Variants in FANCL observed in about 807,000 individuals in gnomAD.
FANCL encodes FA complementation group L.
FANCL carries 69 observed loss-of-function variants against 59.4 expected under a neutral mutation model. The observed-to-expected ratio is 1.16, with a 90% CI of 0.96 to 1.42. FANCL has a LOEUF of 1.42. Ranked by LOEUF, FANCL falls within the 40% of genes most tolerant of loss-of-function variation. The pLI is 0.00. For synonymous variants in FANCL, 180 were observed against 147.1 expected (o/e 1.22, Z -1.62); for missense variants, 519 against 447.2 (o/e 1.16, Z -1.45).
chr2:58,220,779 T>C (rs1692399229), intron 5 of FANCL, among the ~76,000 whole-genome samples: 1 of 152,184 alleles, frequency 6.6e-6, no homozygotes, highest in South Asian at 2.1e-4. Flanking sequence ...GTTTAAAACA[T>C]ATTAAGAAAA....
intron 7 of FANCL, among the ~76,000 whole-genome samples, chr2:58,184,158 T>C (rs949395230): frequency 6.6e-6 from 1 of 152,068 alleles, no homozygotes; most frequent in Non-Finnish European, 1.5e-5. Context: ...TTCTTGTTTA[T>C]AAAGAGATTT....
intron 7 of FANCL, among the ~76,000 whole-genome samples, chr2:58,178,264 T>G (rs1022447233): frequency 2.6e-5 from 4 of 152,080 alleles, no homozygotes; most frequent in Non-Finnish European, 1.5e-5. Context: ...CACCAAAATC[T>G]GGAGGAGGCA....
At chr2:58,204,586 C>A (rs1157895853) in intron 5 of FANCL, among the ~76,000 whole-genome samples, 2 of 152,032 alleles carry the variant, frequency 1.3e-5, no homozygotes, top group African/African-American at 4.8e-5. Context: ...ACTCTTTGAT[C>A]CATTTCTGTA....
chr2:58,236,036 C>T (rs889973958), intron 1 of FANCL, among the ~76,000 whole-genome samples: 1 of 128,588 alleles, frequency 7.8e-6, no homozygotes, highest in Non-Finnish European at 1.7e-5. Context: ...ACACAGAGGA[C>T]AGAAAAGGAG....
chr2:58,202,038 C>G (rs1037702080), intron 6 of FANCL, among the ~76,000 whole-genome samples: 6 of 151,584 alleles, frequency 4.0e-5, no homozygotes, highest in African/African-American at 1.5e-4. Flanking sequence ...TCTTAACATA[C>G]AGTTAACGTT....
rs921041191 is a variant in FANCL, at chr2:58,165,656, G to T, written c.691+68C>A. On this transcript the variant is annotated intron_variant, in intron 8 of 13. Transcript: ENST00000233741. ...AAGAAGTCTGAGTCCAACTGTCATTGTTAGATTTATTTTCATAATACAAAA... is the reference window on the plus strand; with the variant it reads ...AAGAAGTCTGAGTCCAACTGTCATTTTTAGATTTATTTTCATAATACAAAA... 33 of 1,581,854 alleles carry T rather than the reference G, an allele frequency of 2.1e-5. No individual in the cohort carries two copies. The African/African-American group carries it at 3.8e-4, about 18-fold the overall frequency.
chr2:58,200,088 A>T (rs952533577), intron 6 of FANCL, among the ~76,000 whole-genome samples: 4 of 151,676 alleles, frequency 2.6e-5, no homozygotes, highest in African/African-American at 9.7e-5. Flanking sequence ...AAAATATTCC[A>T]GTGGTCTACT....
chr2:58,240,531 G>T (rs1474436977), intron 1 of FANCL, among the ~76,000 whole-genome samples: 2 of 152,202 alleles, frequency 1.3e-5, no homozygotes, highest in African/African-American at 4.8e-5. Context: ...TAGAAAATGG[G>T]AATGATGATT....
rs188922810 is a variant in FANCL at position 58,221,877 on chromosome 2, A to G, written c.374+65T>C. Reference sequence around the variant, plus strand: ...AAATCAGGTATAAACTGCTAAAACTAGAAATACATTAAGTTAAAATATATA... The same window carrying G: ...AAATCAGGTATAAACTGCTAAAACTGGAAATACATTAAGTTAAAATATATA... On this transcript the variant is annotated intron_variant, in intron 5 of 13. Transcript: ENST00000233741. 7.1e-5 allele frequency: 83 copies of G among 1,167,772 alleles called. 1 individual carries two copies. The Admixed American group carries it at 1.1e-3, about 15-fold the overall frequency. 72.3% of individuals were successfully genotyped at this position (1,167,772 alleles called of 1,614,324 possible).
chr2:58,188,615 A>T (rs1485026716), intron 7 of FANCL, among the ~76,000 whole-genome samples: 3 of 151,590 alleles, frequency 2.0e-5, no homozygotes, highest in Non-Finnish European at 1.5e-5. Context: ...TGATTTTTGT[A>T]TTTTTTGTAG....
chr2:58,171,908 C>G (rs1339064031), intron 7 of FANCL, among the ~76,000 whole-genome samples: 2 of 152,212 alleles, frequency 1.3e-5, no homozygotes, highest in Non-Finnish European at 2.9e-5. Context: ...CACCCCAATA[C>G]TGCGCTTTTC....
intron 2 of FANCL, 57 bp from the exon 3 acceptor site, chr2:58,229,931 T>C: frequency 8.1e-7 from 1 of 1,227,964 alleles, no homozygotes; most frequent in South Asian, 1.2e-5. Flanking sequence ...AAAACTTATT[T>C]GTATGCTAAC....
intron 7 of FANCL, among the ~76,000 whole-genome samples, chr2:58,176,708 A>G (rs910159534): frequency 1.3e-5 from 2 of 152,166 alleles, no homozygotes; most frequent in Non-Finnish European, 2.9e-5. Context: ...ACCATTCAGG[A>G]CATAGGCATG....
chr2:58,179,891 C>T (rs1224137521), intron 7 of FANCL, among the ~76,000 whole-genome samples: 2 of 151,966 alleles, frequency 1.3e-5, no homozygotes, highest in South Asian at 2.1e-4. Flanking sequence ...AAAAAACAAC[C>T]GTATCTAAAA....
At chr2:58,188,893 G>T (rs1301444046) in intron 7 of FANCL, among the ~76,000 whole-genome samples, 1 of 151,988 alleles carries the variant, frequency 6.6e-6, no homozygotes, top group African/African-American at 2.4e-5. Context: ...AAGGTGAATG[G>T]CCAATATGTG....
intron 7 of FANCL, among the ~76,000 whole-genome samples, chr2:58,169,706 T>C (rs1686347740): frequency 6.6e-6 from 1 of 151,704 alleles, no homozygotes; most frequent in South Asian, 2.1e-4. Flanking sequence ...TAGAAGAACA[T>C]AAATGACCTG....
rs17049389 is a variant in FANCL, at chr2:58,161,929, T to C, written c.904-291A>G. On this transcript the variant is annotated intron_variant, in intron 11 of 13. Transcript: ENST00000233741. ...TAAAGGTGACTATATTGCTGTATTA[T>C]AGGAAATATAATTACATTACTATTT... 0.03 allele frequency among the ~76,000 whole-genome samples: 4,633 copies of C among 152,038 alleles called. 256 individuals are homozygous for C. The highest frequency in any genetic ancestry group is 0.11 in the African/African-American group (4,399 of 41,518).
intron 5 of FANCL, among the ~76,000 whole-genome samples, chr2:58,204,977 G>C (rs1013355009): frequency 6.6e-6 from 1 of 151,950 alleles, no homozygotes; most frequent in African/African-American, 2.4e-5. Flanking sequence ...ATAAGCTACT[G>C]CCAAAAAGGT....
intron 4 of FANCL, among the ~76,000 whole-genome samples, chr2:58,223,874 G>T (rs1237035178): frequency 6.6e-6 from 1 of 151,916 alleles, no homozygotes; most frequent in Non-Finnish European, 1.5e-5. Flanking sequence ...CTGATTTCAT[G>T]TGAGCATCAC....
Sources: allele counts gnomAD v4.1 joint callset (sites outside exome capture counted in the v4.1 genomes callset), GRCh38; gene constraint gnomAD v4.1.1; transcripts MANE v1.5; gene names NCBI Gene and HGNC (gene_info 2026-07-23, HGNC 2026-07-21).